The following DISP3 variants were observed in gnomAD, a reference collection of about 807,000 sequenced individuals.
DISP3 encodes dispatched RND transporter family member 3, also known as protein dispatched homolog 3.
Under a neutral mutation model 135.3 loss-of-function variants are expected in DISP3, and 101 were observed. The observed-to-expected ratio is 0.75, with a 90% CI of 0.64 to 0.88. The LOEUF is 0.88. Among genes scored for constraint, DISP3 ranks in the 40% least tolerant of loss-of-function variants. The pLI is 0.00. For synonymous variants in DISP3, 856 were observed against 817.0 expected, an observed-to-expected ratio of 1.05 and a Z score of -0.81; for missense variants, 1,713 against 1,878.6, an observed-to-expected ratio of 0.91 and a Z score of 1.63.
At chr1:11,503,960 GGTCCC>G (rs1187460659) in intron 3 of DISP3, among the ~76,000 whole-genome samples, 1 of 152,058 alleles carries the variant, frequency 6.6e-6, no homozygotes, top group African/African-American at 2.4e-5. Context: ...AGTACAACTG[GGTCCC>G]TCCCCACCAG....
At position 11,516,263 on chromosome 1, in the gene DISP3, C is replaced by G; in HGVS notation, c.1749+102C>G. 1.4e-6 allele frequency: 2 copies of G among 1,395,082 alleles called. No individual in the cohort carries two copies. The highest frequency in any genetic ancestry group is 2.0e-6 in the Non-Finnish European group (2 of 1,020,424). 86.4% of individuals were successfully genotyped at this position (1,395,082 alleles called of 1,614,324 possible). A position where few individuals can be genotyped will look rare whatever the true frequency, so the allele number is the denominator to read the frequency against. The stretch of plus-strand genomic sequence containing the variant: ...CACCACCGCTTGAGTGGCCATATAG[C>G]CTTCACCTCAAGGTACTTGCCCTGG... On this transcript the variant is annotated intron_variant, in intron 6 of 20. Coordinates refer to ENST00000294484, the MANE Select transcript of DISP3 (RefSeq NM_020780.2). This position sits in a 1 kb window ranked among gnomAD's most constrained non-coding sequence, Gnocchi z 5.1.
chr1:11,489,907 G>C (rs1050151639), intron 1 of DISP3, among the ~76,000 whole-genome samples: 3 of 152,322 alleles, frequency 2.0e-5, no homozygotes, highest in African/African-American at 7.2e-5. Flanking sequence ...GAATGAAAAG[G>C]GCCCTGAGCT....
In DISP3 at chr1:11,531,170, C is replaced by T; in HGVS notation, c.3229+137C>T. ...GGTCTTTTGCAGATGTGTATCTGTG[C>T]TGAGCATGTCCACACCAGGGTGGGG... On this transcript the variant is annotated intron_variant, in intron 16 of 20. Coordinates refer to ENST00000294484, the MANE Select transcript of DISP3 (RefSeq NM_020780.2). This position sits in a 1 kb window ranked among gnomAD's most constrained non-coding sequence, Gnocchi z 5.2. 5.8e-6 allele frequency: 8 copies of T among 1,376,924 alleles called. No homozygotes were observed. Among genetic ancestry groups the T allele is most frequent in the African/African-American group, 1.4e-5 (1 of 69,976 alleles). The allele number at this position is 1,376,924 out of a possible 1,614,324, so 85.3% of individuals were successfully genotyped here.
In DISP3 at chr1:11,536,348, C is replaced by A; in HGVS notation, c.3841C>A (p.Arg1281Ser). The A allele has an allele frequency of 6.2e-7, 1 of 1,603,752 alleles. No homozygotes were observed. The highest frequency in any genetic ancestry group is 8.5e-7 in the Non-Finnish European group (1 of 1,179,682). Residue 1281 changes from arginine to serine, a missense_variant, in exon 21 of 21, where the codon CGT becomes AGT. By Grantham distance (110) the Arg-to-Ser change is moderately radical. Around this residue, in one of 2 missense-constraint regions of DISP3, gnomAD observed 1,142 missense variants for 1,384.6 expected, o/e 0.82. Transcript: ENST00000294484. The surrounding 1 kb of genome is among the most constrained non-coding windows in gnomAD (Gnocchi z 4.3). ...AEDARTQRQWRTLEAVRHVGV... is the reference protein window; with the variant it reads ...AEDARTQRQWSTLEAVRHVGV... ...GGACGCCCGAACGCAGCGCCAGTGG[C>A]GTACGCTGGAGGCCGTGCGGCACGT...
chr1:11,534,230 TG>T, intron 17 of DISP3, 150 bp from the exon 18 acceptor site: 1 of 890,710 alleles, frequency 1.1e-6, no homozygotes. Flanking sequence ...CAGAAGCTGG[TG>T]GGGACTCATT....
At position 11,531,734 on chromosome 1, in the gene DISP3, GTGCCATGCTGCGTACT is replaced by G; in HGVS notation, c.3375+29_3375+44del. 6.4e-7 allele frequency: 1 copy of G among 1,574,748 alleles called. No individual in the cohort carries two copies. The highest frequency in any genetic ancestry group is 8.6e-7 in the Non-Finnish European group (1 of 1,159,848). On this transcript the variant is annotated intron_variant, in intron 17 of 20. Transcript: ENST00000294484. The surrounding 1 kb of genome is among the most constrained non-coding windows in gnomAD (Gnocchi z 5.2). ...CGGTGAGCCCAGGCAGCCTCACTGG[GTGCCATGCTGCGTACT>G]TGCCCGGGGTGTGCCACCTCTGATC...
chr1:11,535,735 A>T lies in DISP3; in HGVS notation c.3816+91A>T, dbSNP rs995264498. On this transcript the variant is annotated intron_variant, in intron 20 of 20. Transcript: ENST00000294484. ...GAGGGACCCTCAAGGGCAGCTGAAC[A>T]TCCCAGCACCAGGACCCCCATGCAG... is the stretch of plus-strand genomic sequence containing the variant. The T allele has an allele frequency of 2.0e-6, 3 of 1,468,580 alleles. No individual in the cohort carries two copies. The African/African-American group carries it at 4.2e-5, about 20-fold the overall frequency. The allele number at this position is 1,468,580 out of a possible 1,614,324, so 91.0% of individuals were successfully genotyped here.
chr1:11,525,150 CT>C, intron 11 of DISP3, 25 bp from the exon 12 acceptor site: 1 of 1,611,252 alleles, frequency 6.2e-7, no homozygotes, highest in Non-Finnish European at 8.5e-7. Flanking sequence ...AAGTCCACCC[CT>C]CTTTCATCCC....
chr1:11,507,883 C>T (rs1169391477), intron 3 of DISP3, among the ~76,000 whole-genome samples: 1 of 152,126 alleles, frequency 6.6e-6, no homozygotes, highest in African/African-American at 2.4e-5. Flanking sequence ...TCTATAAATG[C>T]TTTTCAAATT....
intron 10 of DISP3, among the ~76,000 whole-genome samples, chr1:11,522,560 AG>A (rs1332722026): frequency 1.8e-4 from 27 of 150,968 alleles, no homozygotes; most frequent in African/African-American, 2.9e-4. Flanking sequence ...GGACCCAGCC[AG>A]AGCCCAGCCA....
intron 17 of DISP3, among the ~76,000 whole-genome samples, chr1:11,533,990 A>G (rs1034433235): frequency 1.3e-5 from 2 of 152,152 alleles, no homozygotes; most frequent in Admixed American, 6.5e-5. Flanking sequence ...GAGGGTTTGG[A>G]GACACTAAGG....
At chr1:11,509,478 TGA>T (rs1284459133) in intron 3 of DISP3, among the ~76,000 whole-genome samples, 1 of 152,122 alleles carries the variant, frequency 6.6e-6, no homozygotes, top group Non-Finnish European at 1.5e-5. Context: ...CTAGCAATAT[TGA>T]GAGAGAGAGA....
intron 10 of DISP3, among the ~76,000 whole-genome samples, chr1:11,522,522 G>GGGCCAGGACCCAGCCAGAGCCC (rs1172355414): frequency 1.5e-5 from 2 of 130,970 alleles, no homozygotes; most frequent in Admixed American, 8.0e-5. Context: ...ACAACATCTG[G>GGGCCAGGACCCAGCCAGAGCCC]GGCCAGGACC....
chr1:11,487,575 C>T (rs1338948595), intron 1 of DISP3, among the ~76,000 whole-genome samples: 2 of 152,238 alleles, frequency 1.3e-5, no homozygotes, highest in Non-Finnish European at 2.9e-5. Context: ...GACTAAGTAG[C>T]TTAAGTAGCT....
rs1269901624 is a variant in DISP3 at position 11,520,941 on chromosome 1, C to G, written c.2362+93C>G. The stretch of plus-strand genomic sequence containing the variant: ...GAGATGCAGGATCCAGGGTCCCCAT[C>G]AATGCCAGACCTCAGGCAAATCCCA... On this transcript the variant is annotated intron_variant, in intron 10 of 20. Coordinates refer to ENST00000294484, the MANE Select transcript of DISP3 (RefSeq NM_020780.2). This position sits in a 1 kb window ranked among gnomAD's most constrained non-coding sequence, Gnocchi z 4.8. 8 of 1,386,106 alleles carry G rather than the reference C, an allele frequency of 5.8e-6. No homozygotes were observed. The highest frequency in any genetic ancestry group is 7.7e-6 in the Non-Finnish European group (8 of 1,033,828). 85.9% of individuals were successfully genotyped at this position (1,386,106 alleles called of 1,614,324 possible).
In DISP3 at chr1:11,531,180, C is replaced by A; in HGVS notation, c.3229+147C>A. 2 of 1,334,914 alleles carry A rather than the reference C, an allele frequency of 1.5e-6. No homozygotes were observed. Among genetic ancestry groups the A allele is most frequent in the South Asian group, 1.4e-5 (1 of 71,996 alleles). 82.7% of individuals were successfully genotyped at this position (1,334,914 alleles called of 1,614,324 possible). A position where few individuals can be genotyped will look rare whatever the true frequency, so the allele number is the denominator to read the frequency against. ...AGATGTGTATCTGTGCTGAGCATGT[C>A]CACACCAGGGTGGGGTGTGTGCCGG... On this transcript the variant is annotated intron_variant, in intron 16 of 20. Transcript: ENST00000294484. This position sits in a 1 kb window ranked among gnomAD's most constrained non-coding sequence, Gnocchi z 5.2.
Position 11,531,629 on chromosome 1 carries a change from C to T in DISP3, c.3294C>T (p.Asn1098=). 1 of 1,613,506 alleles carries T rather than the reference C, an allele frequency of 6.2e-7. No individual in the cohort carries two copies. The highest frequency in any genetic ancestry group is 8.5e-7 in the Non-Finnish European group (1 of 1,179,940). ...HPECKELPEP[N]LLPGQLSHGA... is the part of the protein sequence containing the mutation. Reference sequence around the variant, plus strand: ...AGTGCAAGGAGCTGCCCGAGCCCAACCTGCTCCCGGGGCAGCTGTCCCACG... The same window carrying T: ...AGTGCAAGGAGCTGCCCGAGCCCAATCTGCTCCCGGGGCAGCTGTCCCACG... The change falls in exon 17 of 21, where the codon AAC becomes AAT. Residue 1098 remains asparagine, a synonymous_variant. Transcript: ENST00000294484. This position sits in a 1 kb window ranked among gnomAD's most constrained non-coding sequence, Gnocchi z 5.2.
In DISP3 at chr1:11,524,028, GC is replaced by G. The variant is rs1251311253; in HGVS notation, c.2450del (p.Ala817ValfsTer20). 6.2e-7 allele frequency: 1 copy of G among 1,613,010 alleles called. No individual in the cohort carries two copies. Among genetic ancestry groups the G allele is most frequent in the Non-Finnish European group, 8.5e-7 (1 of 1,179,614 alleles). ...GAGGCGAGGCTCAGGGGTCCCCTGG[GC>G]TAGCCGGCCTGAGGCCACCCTGCAG... Reference protein sequence around the residue: ...KKRRGSGVPWASRPEATLQDF... With the variant: ...KKRRGSGVPWXSRPEATLQDF... On this transcript the variant is annotated frameshift_variant, in exon 11 of 21. Transcript: ENST00000294484. LOFTEE classifies it high-confidence loss of function.
chr1:11,494,219 C>A (rs1235289788), intron 1 of DISP3, among the ~76,000 whole-genome samples: 1 of 152,220 alleles, frequency 6.6e-6, no homozygotes, highest in African/African-American at 2.4e-5. Flanking sequence ...TCCCTAGCGT[C>A]CTTGCAGGGC....
Sources: gnomAD v4.1 joint callset for allele counts (sites outside exome capture counted in the v4.1 genomes callset) on GRCh38, gnomAD v4.1.1 for gene constraint, gnomAD v4.1.1 regional missense constraint, Gnocchi (gnomAD v3.1) non-coding constraint, MANE v1.5 for transcripts, NCBI Gene and HGNC (gene_info 2026-07-23, HGNC 2026-07-21) for gene names.